ANKRD18B: variants seen among roughly 807,000 people sequenced by gnomAD.
The protein encoded by ANKRD18B is ankyrin repeat domain-containing protein 18B.
A neutral mutation model predicts 111.8 loss-of-function variants in ANKRD18B; 75 were observed. That is an observed-to-expected ratio of 0.67 (90% CI 0.56 to 0.81). ANKRD18B has a LOEUF of 0.81. ANKRD18B is among the 40% of genes least tolerant of loss of function. The pLI is 0.00. For missense variants in ANKRD18B, 1,038 were observed against 1,225.5 expected, an observed-to-expected ratio of 0.85 and a Z score of 2.28; for synonymous variants, 356 against 417.3, an observed-to-expected ratio of 0.85 and a Z score of 1.79.
At chr9:33,565,886 G>T (rs1229445889) in intron 14 of ANKRD18B, among the ~76,000 whole-genome samples, 1 of 152,168 alleles carries the variant, frequency 6.6e-6, no homozygotes, top group Non-Finnish European at 1.5e-5. Context: ...GGGGAATGAT[G>T]ATGAGGGAAG....
chr9:33,555,673 T>G, intron 12 of ANKRD18B, 35 bp from the exon 13 acceptor site: 2 of 1,284,402 alleles, frequency 1.6e-6, no homozygotes, highest in Non-Finnish European at 2.0e-6. Context: ...GGTCTCTAGA[T>G]TTTACAAAAA....
At chr9:33,531,344 G>A (rs1038649755) in intron 3 of ANKRD18B, among the ~76,000 whole-genome samples, 13 of 152,182 alleles carry the variant, frequency 8.5e-5, no homozygotes, top group Non-Finnish European at 1.6e-4. Flanking sequence ...CAAATACTTG[G>A]TTTATACACA....
chr9:33,552,044 A>G (rs2118075885), intron 12 of ANKRD18B, among the ~76,000 whole-genome samples: 1 of 152,396 alleles, frequency 6.6e-6, no homozygotes, highest in Admixed American at 6.5e-5. Context: ...AAAATAATAT[A>G]TGACATGAAT....
intron 10 of ANKRD18B, among the ~76,000 whole-genome samples, chr9:33,545,132 A>T (rs1828335475): frequency 6.6e-6 from 1 of 152,316 alleles, no homozygotes; most frequent in Non-Finnish European, 1.5e-5. Context: ...CTTGCCAGTC[A>T]TCTTCTAAGC....
At chr9:33,566,691 C>CA (rs1356891534) in intron 15 of ANKRD18B, among the ~76,000 whole-genome samples, 191 bp downstream of exon 15, 1 of 152,006 alleles carries the variant, frequency 6.6e-6, no homozygotes, top group Non-Finnish European at 1.5e-5. Context: ...ATAACAAAAT[C>CA]AATCTTTCAA....
rs1313852007 is a variant in ANKRD18B at position 33,524,467 on chromosome 9, T to C, written c.-23T>C. 9.8e-6 allele frequency: 15 copies of C among 1,526,616 alleles called. No homozygotes were observed. The Middle Eastern group carries it at 7.0e-4, about 71-fold the overall frequency. 94.6% of individuals were successfully genotyped at this position (1,526,616 alleles called of 1,614,324 possible). A position where few individuals can be genotyped will look rare whatever the true frequency, so the allele number is the denominator to read the frequency against. On this transcript the variant is annotated 5_prime_UTR_variant, in exon 1 of 19. Coordinates refer to ENST00000684830, the MANE Select transcript of ANKRD18B (RefSeq NM_001393611.1). ...GCCGCGGCGTCTCAGGAGCGGGTGG[T>C]GGGCATCTGAGAAGTCGCCACCATG...
intron 5 of ANKRD18B, among the ~76,000 whole-genome samples, chr9:33,535,472 A>G (rs1414222681): frequency 4.6e-5 from 7 of 151,778 alleles, no homozygotes; most frequent in Non-Finnish European, 8.8e-5. Flanking sequence ...TATTTTTAGT[A>G]GAGACGGGGT....
At chr9:33,559,385 TG>T (rs1322906064) in intron 14 of ANKRD18B, among the ~76,000 whole-genome samples, 38 of 152,130 alleles carry the variant, frequency 2.5e-4, no homozygotes, top group Admixed American at 2.5e-3. Context: ...AATATATATT[TG>T]GGGGTAAAAT....
chr9:33,567,296 T>A lies in ANKRD18B; in HGVS notation c.2936T>A (p.Met979Lys), dbSNP rs923946481. The A allele has an allele frequency of 5.8e-6, 9 of 1,541,668 alleles. No individual in the cohort carries two copies. The Admixed American group carries it at 1.2e-4, about 21-fold the overall frequency. The part of the protein sequence containing the change: ...FAVALKANSS[M>K]SEKITKSDKK... ...GTAGCATTGAAAGCTAACAGTTCCA[T>A]GTCAGAAAAAATAACGAAGTAAGTC... Residue 979 changes from methionine to lysine, a missense_variant, in exon 16 of 19, where the codon ATG (methionine) becomes AAG (lysine). Physicochemically the swap from Met to Lys is moderately conservative, Grantham distance 95 (BLOSUM62 -1). Around this residue, in one of 4 missense-constraint regions of ANKRD18B, gnomAD observed 524 missense variants for 677.9 expected, o/e 0.77. Coordinates refer to ENST00000684830, the MANE Select transcript of ANKRD18B (RefSeq NM_001393611.1).
intron 6 of ANKRD18B, among the ~76,000 whole-genome samples, chr9:33,538,526 A>G (rs1016018450): frequency 3.3e-5 from 5 of 152,216 alleles, no homozygotes; most frequent in Non-Finnish European, 7.3e-5. Flanking sequence ...ACTTGAGGTC[A>G]GGAGTTTGAG....
chr9:33,530,076 T>C lies in ANKRD18B; in HGVS notation c.495+903T>C, dbSNP rs117255541. ...ACACCCAGGAAAATTAATTGGAGTT[T>C]TAATACATAACTCTATCTCATACTC... On this transcript the variant is annotated intron_variant, in intron 3 of 18. Coordinates refer to ENST00000684830, the MANE Select transcript of ANKRD18B (RefSeq NM_001393611.1). 1.6e-4 allele frequency among the ~76,000 whole-genome samples: 24 copies of C among 152,266 alleles called. No homozygotes were observed. The East Asian group carries it at 3.9e-3, about 25-fold the overall frequency.
At chr9:33,534,232 A>G in intron 4 of ANKRD18B, 138 bp from the exon 5 acceptor site, 1 of 1,177,016 alleles carries the variant, frequency 8.5e-7, no homozygotes. Flanking sequence ...AGATGCTTAT[A>G]CACATAAGCT....
At position 33,566,316 on chromosome 9, in the gene ANKRD18B, G is replaced by A. The variant is rs995820178; in HGVS notation, c.2558G>A (p.Gly853Glu). Residue 853 changes from glycine to glutamate, a missense_variant, in exon 15 of 19, where the codon GGA (glycine) becomes GAA (glutamate). By Grantham distance (98) the Gly-to-Glu change is moderately conservative (BLOSUM62 -2). Coordinates refer to ENST00000684830, the MANE Select transcript of ANKRD18B (RefSeq NM_001393611.1). ...EVLHQELLSMGKVQEKCEKLE... is the reference protein window; with the variant it reads ...EVLHQELLSMEKVQEKCEKLE... ...CTTCATCAGGAGTTATTATCTATGG[G>A]AAAAGTACAAGAGAAATGTGAAAAA... The A allele has an allele frequency of 1.3e-6, 2 of 1,562,930 alleles. No individual in the cohort carries two copies. Among genetic ancestry groups the A allele is most frequent in the African/African-American group, 2.7e-5 (2 of 73,242 alleles).
intron 1 of ANKRD18B, among the ~76,000 whole-genome samples, chr9:33,525,646 G>T (rs1360295546): frequency 2.0e-5 from 3 of 151,800 alleles, no homozygotes; most frequent in Non-Finnish European, 4.4e-5. Context: ...TCACAAGCAG[G>T]CATTCTGAAG....
chr9:33,555,029 A>C (rs1267957613), intron 12 of ANKRD18B, among the ~76,000 whole-genome samples: 1 of 73,646 alleles, frequency 1.4e-5, no homozygotes, highest in Non-Finnish European at 3.7e-5. Flanking sequence ...TATTGTGTTC[A>C]ATAAAAACAC....
intron 10 of ANKRD18B, among the ~76,000 whole-genome samples, chr9:33,546,166 G>A (rs1828352592): frequency 6.6e-6 from 1 of 152,148 alleles, no homozygotes; most frequent in African/African-American, 2.4e-5. Context: ...GTAATACAGT[G>A]GGAGGAAAGC....
intron 13 of ANKRD18B, 55 bp from the exon 14 acceptor site, chr9:33,558,003 T>C: frequency 7.1e-7 from 1 of 1,415,392 alleles, no homozygotes; most frequent in Non-Finnish European, 9.6e-7. Flanking sequence ...TTTAAACAAT[T>C]ATTAAATATT....
chr9:33,538,793 G>T (rs1460828669), intron 6 of ANKRD18B, among the ~76,000 whole-genome samples: 3 of 151,648 alleles, frequency 2.0e-5, no homozygotes, highest in Non-Finnish European at 4.4e-5. Flanking sequence ...TATTCCAATA[G>T]CCAAACTCTA....
intron 14 of ANKRD18B, among the ~76,000 whole-genome samples, chr9:33,562,086 T>C (rs1290035970): frequency 2.6e-5 from 4 of 152,174 alleles, no homozygotes; most frequent in South Asian, 2.1e-4. Context: ...CGAGACACAC[T>C]CTTTCTTTTT....
Sources: allele counts gnomAD v4.1 joint callset (sites outside exome capture counted in the v4.1 genomes callset), GRCh38; gene constraint gnomAD v4.1.1; regional missense constraint gnomAD v4.1.1; transcripts MANE v1.5; gene names NCBI Gene and HGNC (gene_info 2026-07-23, HGNC 2026-07-21).